Variants in MYO18B observed in about 807,000 individuals in gnomAD.
The protein encoded by MYO18B is unconventional myosin-XVIIIb.
MYO18B carries 204 observed loss-of-function variants against 273.0 expected under a neutral mutation model. The observed-to-expected ratio is 0.75, with a 90% CI of 0.67 to 0.84. The LOEUF is 0.84. Among genes scored for constraint, MYO18B ranks in the 40% least tolerant of loss-of-function variants. The probability of loss-of-function intolerance (pLI) is 0.00; values close to 1 mark genes in which losing one functional copy is unlikely to be tolerated. For missense variants in MYO18B, 3,212 were observed against 3,287.6 expected, an observed-to-expected ratio of 0.98 and a Z score of 0.56; for synonymous variants, 1,330 against 1,305.7, an observed-to-expected ratio of 1.02 and a Z score of -0.40.
intron 11 of MYO18B, among the ~76,000 whole-genome samples, chr22:25,794,045 C>T (rs967719191): frequency 2.0e-5 from 3 of 151,914 alleles, no homozygotes; most frequent in East Asian, 1.9e-4. Context: ...GCCATTCTCC[C>T]GCCTCAGCCT....
chr22:25,958,896 C>T (rs967506508), intron 39 of MYO18B, among the ~76,000 whole-genome samples: 2 of 152,204 alleles, frequency 1.3e-5, no homozygotes, highest in African/African-American at 4.8e-5. Flanking sequence ...TAAAATCCTG[C>T]AAGGCAGCCA....
chr22:25,795,836 G>C lies in MYO18B; in HGVS notation c.2377-2117G>C, dbSNP rs140383394. On this transcript the variant is annotated intron_variant, in intron 11 of 43. Coordinates refer to ENST00000335473, the MANE Select transcript of MYO18B (RefSeq NM_032608.7). ...ATGATTCTTGCAAGTTTCCCAGTTA[G>C]AGGAAGTGGCTTGAGTGGAGGGGAC... is the stretch of plus-strand genomic sequence containing the variant. 3.2e-3 allele frequency among the ~76,000 whole-genome samples: 484 copies of C among 152,272 alleles called. 3 individuals carry two copies. Among genetic ancestry groups the C allele is most frequent in the Middle Eastern group, 0.01 (3 of 294 alleles).
intron 42 of MYO18B, among the ~76,000 whole-genome samples, chr22:26,007,574 T>C (rs1458696779): frequency 6.6e-6 from 1 of 152,236 alleles, no homozygotes; most frequent in East Asian, 1.9e-4. Context: ...AAAGTGCTAC[T>C]GAGCACCAGA....
chr22:25,963,783 A>C (rs983620566), intron 39 of MYO18B, among the ~76,000 whole-genome samples: 3 of 151,910 alleles, frequency 2.0e-5, no homozygotes, highest in Middle Eastern at 3.4e-3. Flanking sequence ...TTGGGTAGCT[A>C]TGGGGATTAA....
intron 34 of MYO18B, among the ~76,000 whole-genome samples, chr22:25,927,341 A>G (rs1317633573): frequency 6.6e-6 from 1 of 152,180 alleles, no homozygotes; most frequent in Non-Finnish European, 1.5e-5. Flanking sequence ...GCCTGGAGGT[A>G]TAGGCTTATA....
intron 21 of MYO18B, among the ~76,000 whole-genome samples, chr22:25,866,629 A>G (rs2090894993): frequency 1.3e-5 from 2 of 151,990 alleles, no homozygotes; most frequent in South Asian, 4.2e-4. Flanking sequence ...TCATGAGGTC[A>G]AGAGATGGAG....
chr22:26,038,225 C>T, the MYO18B span, among the ~76,000 whole-genome samples: 79 of 152,282 alleles, frequency 5.2e-4, no homozygotes, highest in Non-Finnish European at 8.7e-4. Context: ...AGAATCCTGA[C>T]AGCACCTCCA....
At chr22:25,855,253 A>C (rs193180982) in intron 21 of MYO18B, among the ~76,000 whole-genome samples, 2 of 146,856 alleles carry the variant, frequency 1.4e-5, no homozygotes, top group Admixed American at 6.8e-5. Context: ...CTCCAGCTCC[A>C]TTCATGTTTC....
chr22:25,807,499 C>G (rs1033000342), intron 12 of MYO18B, among the ~76,000 whole-genome samples: 3 of 152,154 alleles, frequency 2.0e-5, no homozygotes, highest in Non-Finnish European at 2.9e-5. Flanking sequence ...CTTGGGGTCT[C>G]TCATGTGGCT....
chr22:26,063,280 CA>C, the MYO18B span, among the ~76,000 whole-genome samples: 1 of 152,172 alleles, frequency 6.6e-6, no homozygotes, highest in Non-Finnish European at 1.5e-5. Flanking sequence ...GCCAAGAATA[CA>C]GGTGTAAACA....
At chr22:25,902,465 C>A in intron 29 of MYO18B, 148 bp from the exon 30 acceptor site, 1 of 901,334 alleles carries the variant, frequency 1.1e-6, no homozygotes, top group Non-Finnish European at 1.6e-6. Flanking sequence ...ACTTCTCATA[C>A]TTTCTCTATC....
intron 34 of MYO18B, among the ~76,000 whole-genome samples, chr22:25,941,387 C>T (rs1270872025): frequency 1.3e-5 from 2 of 152,280 alleles, no homozygotes; most frequent in African/African-American, 4.8e-5. Flanking sequence ...ATCAATAATT[C>T]TTCCCTGTCG....
intron 42 of MYO18B, among the ~76,000 whole-genome samples, chr22:26,022,559 G>A (rs1301329330): frequency 6.6e-6 from 1 of 152,164 alleles, no homozygotes; most frequent in African/African-American, 2.4e-5. Flanking sequence ...GGAAAGCCAG[G>A]AAGAAGCACT....
At chr22:25,899,745 A>G (rs1452248916) in intron 29 of MYO18B, 2 of 151,886 alleles carry the variant, frequency 1.3e-5, no homozygotes, top group East Asian at 3.9e-4. Flanking sequence ...GCTTGGCTCC[A>G]TCTTGGCCAC....
chr22:25,773,914 A>G (rs934425209), intron 7 of MYO18B, among the ~76,000 whole-genome samples: 3 of 152,156 alleles, frequency 2.0e-5, no homozygotes, highest in Non-Finnish European at 4.4e-5. Flanking sequence ...ACAGATGGGA[A>G]GAGGCTCAGT....
chr22:26,034,950 C>T (rs1214636340), downstream of MYO18B, among the ~76,000 whole-genome samples: 2 of 152,208 alleles, frequency 1.3e-5, no homozygotes, highest in African/African-American at 4.8e-5. Flanking sequence ...ATGGGATAGG[C>T]AAAGGCCCTG....
intron 1 of MYO18B, among the ~76,000 whole-genome samples, chr22:25,750,810 G>T (rs1041998709): frequency 3.9e-5 from 6 of 152,218 alleles, no homozygotes; most frequent in African/African-American, 1.4e-4. Flanking sequence ...GCACCCTCAG[G>T]CATGGTGTCA....
intron 39 of MYO18B, among the ~76,000 whole-genome samples, chr22:25,986,310 A>G (rs189559614): frequency 8.5e-5 from 13 of 152,324 alleles, no homozygotes; most frequent in African/African-American, 2.6e-4. Flanking sequence ...AGAGAGGAAT[A>G]AAGTATATAT....
rs141523509 is a variant in MYO18B, at chr22:25,992,015, C to T, written c.6157-348C>T. On this transcript the variant is annotated intron_variant, in intron 39 of 43. Coordinates refer to ENST00000335473, the MANE Select transcript of MYO18B (RefSeq NM_032608.7). ...ACTCCATGACCCTTCTTGGTTTTTACGTTTACTCCTCCATCCAAGATGGGC... is the reference window on the plus strand; with the variant it reads ...ACTCCATGACCCTTCTTGGTTTTTATGTTTACTCCTCCATCCAAGATGGGC... Among the ~76,000 whole-genome samples, 577 of 152,290 alleles carry T rather than the reference C, an allele frequency of 3.8e-3. 1 individual carries two copies. The highest frequency in any genetic ancestry group is 7.1e-3 in the Non-Finnish European group (484 of 68,012).
Sources: gnomAD v4.1 joint callset for allele counts (sites outside exome capture counted in the v4.1 genomes callset) on GRCh38, gnomAD v4.1.1 for gene constraint, MANE v1.5 for transcripts, NCBI Gene and HGNC (gene_info 2026-07-23, HGNC 2026-07-21) for gene names.